METTL8: variants seen among roughly 807,000 people sequenced by gnomAD.
METTL8 encodes the protein methyltransferase 8, tRNA N3-cytidine.
A neutral mutation model predicts 48.7 loss-of-function variants in METTL8; 32 were observed. That is an observed-to-expected ratio of 0.66 (90% CI 0.50 to 0.88). METTL8 has a LOEUF of 0.88. Ranked by LOEUF, METTL8 falls within the 40% of genes least tolerant of loss-of-function variation. METTL8 has a pLI of 0.00. For synonymous variants in METTL8, 136 were observed against 157.1 expected (o/e 0.87, Z 1.01); for missense variants, 464 against 474.4 (o/e 0.98, Z 0.20).
At chr2:171,349,292 T>C (rs1386719811) in intron 3 of METTL8, among the ~76,000 whole-genome samples, 1 of 152,170 alleles carries the variant, frequency 6.6e-6, no homozygotes, top group Non-Finnish European at 1.5e-5. Flanking sequence ...ACAGTAGGAT[T>C]AAGAGGCAAT....
chr2:171,382,946 C>T (rs539114865), intron 2 of METTL8, among the ~76,000 whole-genome samples: 7 of 151,686 alleles, frequency 4.6e-5, no homozygotes, highest in South Asian at 2.1e-4. Flanking sequence ...TGGTGGCGGG[C>T]GCCTGTAATC....
intron 1 of METTL8, among the ~76,000 whole-genome samples, chr2:171,404,330 T>C (rs1574157509): frequency 6.6e-6 from 1 of 151,914 alleles, no homozygotes; most frequent in East Asian, 1.9e-4. Context: ...TAAGCTACTA[T>C]TGACCTACAT....
chr2:171,424,419 C>T (rs924453935), intron 1 of METTL8, among the ~76,000 whole-genome samples: 12 of 147,718 alleles, frequency 8.1e-5, no homozygotes, highest in African/African-American at 2.5e-4. Context: ...ACACTCTACA[C>T]CAGCCCATGA....
intron 1 of METTL8, among the ~76,000 whole-genome samples, chr2:171,410,482 C>A (rs149135525): frequency 1.1e-3 from 172 of 152,342 alleles, no homozygotes; most frequent in African/African-American, 4.1e-3. Context: ...CTCCCTGCCA[C>A]CTGACAACCT....
chr2:171,380,692 G>A (rs1313037104), intron 2 of METTL8, among the ~76,000 whole-genome samples: 2 of 152,070 alleles, frequency 1.3e-5, no homozygotes, highest in South Asian at 2.1e-4. Context: ...AGCTAACAAG[G>A]GGCATGAAGG....
At chr2:171,324,476 A>C (rs1684725431) in intron 9 of METTL8, 114 bp from the exon 10 acceptor site, 3 of 930,628 alleles carry the variant, frequency 3.2e-6, no homozygotes, top group Admixed American at 3.0e-5. Context: ...TACAAGAAAC[A>C]CTCTCTAGAA....
rs148559658 is a variant in METTL8 at position 171,413,982 on chromosome 2, A to T, written c.-13+19901T>A. On this transcript the variant is annotated intron_variant, in intron 1 of 9. Coordinates refer to ENST00000375258, the MANE Select transcript of METTL8 (RefSeq NM_001321154.2). ...TCGTTTCTAAAAATATATCCTATGG[A>T]TATAATCAGAAGAATATATTAAGGA... Among the ~76,000 whole-genome samples the T allele has an allele frequency of 1.4e-3, 220 of 152,334 alleles. 4 individuals carry two copies. In the East Asian group the frequency reaches 0.015, roughly 10 times the overall value.
upstream of METTL8, chr2:171,434,664 G>A (rs556269367): frequency 2.6e-6 from 4 of 1,530,282 alleles, no homozygotes; most frequent in African/African-American, 2.8e-5. Flanking sequence ...GCGTGGTGCA[G>A]AGGACCAACC....
intron 1 of METTL8, among the ~76,000 whole-genome samples, chr2:171,429,312 T>C (rs1279864523): frequency 6.6e-6 from 1 of 152,182 alleles, no homozygotes; most frequent in East Asian, 1.9e-4. Flanking sequence ...AATGATGTTG[T>C]TTGTCAAGTA....
chr2:171,355,569 G>A (rs1453340504), intron 3 of METTL8, among the ~76,000 whole-genome samples: 1 of 152,222 alleles, frequency 6.6e-6, no homozygotes, highest in Admixed American at 6.5e-5. Context: ...CCCAGAGGTG[G>A]AGTCTACAGA....
At chr2:171,375,108 G>A (rs1032646834) in intron 2 of METTL8, 102 of 1,278,542 alleles carry the variant, frequency 8.0e-5, no homozygotes, top group Admixed American at 7.2e-4. Flanking sequence ...CATTGAAGAC[G>A]CTCACTTCAG....
At chr2:171,425,189 C>A (rs1286290578) in intron 1 of METTL8, among the ~76,000 whole-genome samples, 2 of 152,176 alleles carry the variant, frequency 1.3e-5, no homozygotes, top group Non-Finnish European at 2.9e-5. Flanking sequence ...AACCTCTTCC[C>A]TTTATAAATT....
intron 2 of METTL8, among the ~76,000 whole-genome samples, chr2:171,387,368 G>A (rs1195781169): frequency 6.6e-6 from 1 of 151,888 alleles, no homozygotes; most frequent in East Asian, 1.9e-4. Flanking sequence ...TCCAGCGAGG[G>A]GGACATAGGA....
chr2:171,394,988 G>A (rs1273547705), intron 1 of METTL8, among the ~76,000 whole-genome samples: 1 of 152,152 alleles, frequency 6.6e-6, no homozygotes, highest in Non-Finnish European at 1.5e-5. Context: ...TATGTGCTTT[G>A]TATTATTACT....
At chr2:171,403,751 A>G (rs902700467) in intron 1 of METTL8, among the ~76,000 whole-genome samples, 3 of 151,954 alleles carry the variant, frequency 2.0e-5, no homozygotes, top group African/African-American at 7.2e-5. Context: ...AATGTAAAAC[A>G]AAATAATTTT....
At chr2:171,326,001 T>C (rs1684913485) in intron 8 of METTL8, 41 bp downstream of exon 8, 4 of 1,375,850 alleles carry the variant, frequency 2.9e-6, no homozygotes, top group South Asian at 2.6e-5. Flanking sequence ...AGGCATTCTT[T>C]AGAACATTTA....
At chr2:171,413,340 A>G (rs1236452053) in intron 1 of METTL8, among the ~76,000 whole-genome samples, 1 of 152,240 alleles carries the variant, frequency 6.6e-6, no homozygotes, top group African/African-American at 2.4e-5. Context: ...CTTCACATAT[A>G]TCAACCAGAA....
chr2:171,373,022 T>C (rs1686536126), intron 2 of METTL8, among the ~76,000 whole-genome samples: 1 of 152,206 alleles, frequency 6.6e-6, no homozygotes, highest in African/African-American at 2.4e-5. Flanking sequence ...CTGGATCAAA[T>C]GGTATTTCTA....
intron 3 of METTL8, among the ~76,000 whole-genome samples, chr2:171,359,418 A>C (rs1467369935): frequency 1.3e-5 from 2 of 152,198 alleles, no homozygotes; most frequent in Non-Finnish European, 2.9e-5. Flanking sequence ...GTTGGTGGGA[A>C]TGTAAATTAG....
Sources: gnomAD v4.1 joint callset for allele counts (sites outside exome capture counted in the v4.1 genomes callset) on GRCh38, gnomAD v4.1.1 for gene constraint, MANE v1.5 for transcripts, NCBI Gene and HGNC (gene_info 2026-07-23, HGNC 2026-07-21) for gene names.